The following QKI variants were observed in gnomAD, a reference collection of about 807,000 sequenced individuals.
QKI encodes KH domain-containing RNA-binding protein QKI.
A neutral mutation model predicts 39.0 loss-of-function variants in QKI; 10 were observed. That is an observed-to-expected ratio of 0.26 (90% CI 0.16 to 0.43). The LOEUF is 0.43. Among genes scored for constraint, QKI ranks in the 20% least tolerant of loss-of-function variants. The pLI is 1.00. For synonymous variants in QKI, 204 were observed against 155.4 expected (o/e 1.31, Z -2.33); for missense variants, 218 against 428.0 (o/e 0.51, Z 4.33).
In QKI at chr6:163,414,749, G is replaced by C. The variant is rs1787271781; in HGVS notation, c.-445G>C. On this transcript the variant is annotated 5_prime_UTR_variant, in exon 1 of 8. Transcript: ENST00000361752. ...GGAGCGCGGCGGCAGCGGCAGAGGC[G>C]CCGCGGCGGGGACCAGCCCAGAGAG... The C allele has an allele frequency of 6.7e-6, 1 of 148,974 alleles. No individual in the cohort carries two copies. Among genetic ancestry groups the C allele is most frequent in the South Asian group, 1.9e-4 (1 of 5,334 alleles). The allele number at this position is 148,974 out of a possible 1,614,324, so 9.2% of individuals were successfully genotyped here.
At chr6:163,564,345 C>A in intron 6 of QKI, 1 of 1,074,628 alleles carries the variant, frequency 9.3e-7, no homozygotes, top group Non-Finnish European at 1.2e-6. Context: ...CACACCTAGG[C>A]TGTGTGGTAT....
chr6:163,434,543 CT>C (rs1008526834), intron 1 of QKI, among the ~76,000 whole-genome samples: 18 of 151,694 alleles, frequency 1.2e-4, no homozygotes, highest in African/African-American at 4.4e-4. Context: ...GTGAAACCCC[CT>C]CTCTACTAAA....
At chr6:163,521,476 A>G (rs1780152638) in intron 3 of QKI, among the ~76,000 whole-genome samples, 1 of 152,158 alleles carries the variant, frequency 6.6e-6, no homozygotes, top group Admixed American at 6.5e-5. Context: ...GTTGAAAGTC[A>G]TTACCAAGAA....
At chr6:163,547,677 C>T (rs915086047) in intron 4 of QKI, among the ~76,000 whole-genome samples, 3 of 152,044 alleles carry the variant, frequency 2.0e-5, no homozygotes, top group African/African-American at 7.2e-5. Flanking sequence ...AGGACTCATC[C>T]ACCTTCCTTC....
intron 1 of QKI, among the ~76,000 whole-genome samples, chr6:163,427,708 A>G (rs1363940390): frequency 2.6e-5 from 4 of 152,042 alleles, no homozygotes; most frequent in South Asian, 2.1e-4. Flanking sequence ...TGTGATGGCA[A>G]TATGATCCAG....
At chr6:163,440,814 C>T (rs1033359175) in intron 1 of QKI, among the ~76,000 whole-genome samples, 1 of 151,568 alleles carries the variant, frequency 6.6e-6, no homozygotes, top group African/African-American at 2.4e-5. Context: ...GTGTAAAATA[C>T]ATAGTTGTTG....
intron 2 of QKI, among the ~76,000 whole-genome samples, chr6:163,460,022 T>C (rs751513922): frequency 1.3e-5 from 2 of 152,244 alleles, no homozygotes; most frequent in Non-Finnish European, 2.9e-5. Flanking sequence ...TCATTAAATT[T>C]GCCTAGTTAT....
chr6:163,416,176 G>A (rs1160648617), intron 1 of QKI: 2 of 347,656 alleles, frequency 5.8e-6, no homozygotes, highest in Non-Finnish European at 5.7e-6. Flanking sequence ...GTAGGACAGG[G>A]TTTCGAGACG....
Position 163,577,912 on chromosome 6 carries a change from T to C in QKI, c.*7202T>C, listed in dbSNP as rs1449601517. 1 of 152,226 alleles carries C rather than the reference T, an allele frequency of 6.6e-6. No homozygotes were observed. The highest frequency in any genetic ancestry group is 1.9e-4 in the East Asian group (1 of 5,200). 9.4% of individuals were successfully genotyped at this position (152,226 alleles called of 1,614,324 possible). On this transcript the variant is annotated 3_prime_UTR_variant, in exon 8 of 8. Coordinates refer to ENST00000361752, the MANE Select transcript of QKI (RefSeq NM_006775.3). The stretch of plus-strand genomic sequence containing the variant: ...ACGTAATTTTTAATGATTACCCCTT[T>C]TATACAGTAATTTGTGGTCTTTAGA...
chr6:163,564,767 G>A, intron 6 of QKI: 1 of 1,611,918 alleles, frequency 6.2e-7, no homozygotes. Flanking sequence ...AGTCAATGTG[G>A]AACAAACTGT....
intron 2 of QKI, among the ~76,000 whole-genome samples, chr6:163,459,639 A>G (rs924047728): frequency 3.3e-5 from 5 of 152,212 alleles, no homozygotes; most frequent in African/African-American, 9.6e-5. Flanking sequence ...TTCTTTGTCT[A>G]TGAAGTTATA....
chr6:163,422,374 T>G (rs962648027), intron 1 of QKI, among the ~76,000 whole-genome samples: 1 of 152,220 alleles, frequency 6.6e-6, no homozygotes, highest in Non-Finnish European at 1.5e-5. Flanking sequence ...TCACATTATT[T>G]ATTATAAGCA....
chr6:163,565,303 A>G (rs2128251272), intron 6 of QKI: 1 of 986,436 alleles, frequency 1.0e-6, no homozygotes, highest in East Asian at 1.1e-4. Context: ...CACCCACAGC[A>G]TCTGTTCCCG....
intron 1 of QKI, among the ~76,000 whole-genome samples, chr6:163,454,101 G>T (rs1232094692): frequency 6.6e-6 from 1 of 152,088 alleles, no homozygotes; most frequent in Non-Finnish European, 1.5e-5. Context: ...ATGGATGCAA[G>T]CCTTTCTCCC....
At position 163,526,546 on chromosome 6, in the gene QKI, TA is replaced by T. The variant is rs1454253270; in HGVS notation, c.403-8432del. ...GGAGCTCAGCCCAAAGTTTCCAGTT[TA>T]AAAGGATTTCCCAACAATCATTTAT... On this transcript the variant is annotated intron_variant, in intron 3 of 7. Transcript: ENST00000361752. Among the ~76,000 whole-genome samples the T allele has an allele frequency of 3.9e-5, 6 of 152,340 alleles. No individual in the cohort carries two copies. The East Asian group carries it at 1.2e-3, about 29-fold the overall frequency.
intron 2 of QKI, among the ~76,000 whole-genome samples, chr6:163,465,318 C>T (rs1268385671): frequency 6.6e-6 from 1 of 152,018 alleles, no homozygotes; most frequent in Non-Finnish European, 1.5e-5. Context: ...CTAGCCAGAA[C>T]AGTTAGGCCA....
At chr6:163,503,606 A>G (rs1213863799) in intron 3 of QKI, among the ~76,000 whole-genome samples, 1 of 151,778 alleles carries the variant, frequency 6.6e-6, no homozygotes. Context: ...TTTTTGTTGC[A>G]TTTGCTTTTG....
chr6:163,419,947 G>A (rs1335461404), intron 1 of QKI, among the ~76,000 whole-genome samples: 1 of 152,116 alleles, frequency 6.6e-6, no homozygotes, highest in Non-Finnish European at 1.5e-5. Context: ...AGTCACTGTC[G>A]CTGTCCTGGA....
chr6:163,564,541 T>C lies in QKI; in HGVS notation c.934+822T>C, dbSNP rs1333386420. The C allele has an allele frequency of 1.1e-5, 17 of 1,539,812 alleles. No homozygotes were observed. In the South Asian group the frequency reaches 1.4e-4, roughly 12 times the overall value. ...GTACAGTATGGAATAGTTAAATAAATAGCAAATCACTGAATTCAGAATCTC... is the reference window on the plus strand; with the variant it reads ...GTACAGTATGGAATAGTTAAATAAACAGCAAATCACTGAATTCAGAATCTC... On this transcript the variant is annotated intron_variant, in intron 6 of 7. Transcript: ENST00000361752.
Sources: allele counts gnomAD v4.1 joint callset (sites outside exome capture counted in the v4.1 genomes callset), GRCh38; gene constraint gnomAD v4.1.1; transcripts MANE v1.5; gene names NCBI Gene and HGNC (gene_info 2026-07-23, HGNC 2026-07-21).